Variants in SCAF8 observed in about 807,000 individuals in gnomAD.
The protein encoded by SCAF8 is SR-related and CTD-associated factor 8.
In SCAF8, 23 loss-of-function variants were observed where a neutral mutation model predicts 140.5. That is an observed-to-expected ratio of 0.16 (90% CI 0.12 to 0.23). The LOEUF (loss-of-function observed/expected upper bound fraction) is 0.23. SCAF8 is among the 10% of genes least tolerant of loss of function. The pLI, the probability that SCAF8 is intolerant of heterozygous loss-of-function variation, is 1.00. For missense variants in SCAF8, 1,397 were observed against 1,555.7 expected (o/e 0.90, Z 1.72); for synonymous variants, 575 against 528.9 (o/e 1.09, Z -1.20).
chr6:154,824,161 T>C, intron 16 of SCAF8, 73 bp from the exon 17 acceptor site: 1 of 1,440,654 alleles, frequency 6.9e-7, no homozygotes, highest in Non-Finnish European at 9.6e-7. Flanking sequence ...AGAAATAGAA[T>C]AATTTGCCTT....
chr6:154,813,179 C>T (rs985917873), intron 12 of SCAF8, among the ~76,000 whole-genome samples: 14 of 152,102 alleles, frequency 9.2e-5, no homozygotes, highest in African/African-American at 3.4e-4. Context: ...TGCACTCCAA[C>T]CTGAGGAACA....
chr6:154,733,646 C>T lies in SCAF8; in HGVS notation c.-255C>T, dbSNP rs1778321887. 1.8e-5 allele frequency: 23 copies of T among 1,289,090 alleles called. No homozygotes were observed. The highest frequency in any genetic ancestry group is 2.2e-5 in the Non-Finnish European group (22 of 1,021,928). The allele number at this position is 1,289,090 out of a possible 1,614,324, so 79.9% of individuals were successfully genotyped here. A position where few individuals can be genotyped will look rare whatever the true frequency, so the allele number is the denominator to read the frequency against. The stretch of plus-strand genomic sequence containing the variant: ...GCCCCTCCCCCGCCCGCCGCCGACC[C>T]GCCCCGGCAGCGCCTCTGTTCCCTA... On this transcript the variant is annotated 5_prime_UTR_variant, in exon 1 of 20. Transcript: ENST00000367178.
chr6:154,807,172 C>T (rs527599246), intron 9 of SCAF8, among the ~76,000 whole-genome samples: 72 of 152,190 alleles, frequency 4.7e-4, no homozygotes, highest in African/African-American at 1.7e-3. Context: ...TAATTAGCAC[C>T]ATGTTATTGA....
At chr6:154,810,528 TA>T (rs1268870483) in intron 12 of SCAF8, among the ~76,000 whole-genome samples, 6 of 152,346 alleles carry the variant, frequency 3.9e-5, no homozygotes, top group African/African-American at 1.4e-4. Flanking sequence ...ATAGTATTCT[TA>T]GCAATTATGG....
chr6:154,762,333 C>A (rs936654484), intron 1 of SCAF8, among the ~76,000 whole-genome samples: 1 of 152,202 alleles, frequency 6.6e-6, no homozygotes, highest in Non-Finnish European at 1.5e-5. Flanking sequence ...CAAATTCATT[C>A]AGGCTGTTGG....
At chr6:154,746,216 A>T (rs1258252446) in intron 1 of SCAF8, among the ~76,000 whole-genome samples, 1 of 152,082 alleles carries the variant, frequency 6.6e-6, no homozygotes. Flanking sequence ...TAATTCACTG[A>T]GTTATCTTTA....
chr6:154,818,958 C>CTA (rs1778333961), intron 14 of SCAF8, among the ~76,000 whole-genome samples: 2 of 152,152 alleles, frequency 1.3e-5, no homozygotes, highest in Admixed American at 1.3e-4. Context: ...TACTCCTTAA[C>CTA]TATACCTTCT....
At position 154,794,028 on chromosome 6, in the gene SCAF8, C is replaced by G. The variant is rs541650128; in HGVS notation, c.476-981C>G. Reference sequence around the variant, plus strand: ...CCTCGACCTCCTGGCTTCTAGTGATCCTCCCATCTCAGCCTCCTAAGTAGG... The same window carrying G: ...CCTCGACCTCCTGGCTTCTAGTGATGCTCCCATCTCAGCCTCCTAAGTAGG... On this transcript the variant is annotated intron_variant, in intron 5 of 19. Coordinates refer to ENST00000367178, the MANE Select transcript of SCAF8 (RefSeq NM_014892.5). 1.1e-4 allele frequency among the ~76,000 whole-genome samples: 16 copies of G among 151,932 alleles called. 1 individual carries two copies. In the East Asian group the frequency reaches 3.1e-3, roughly 30 times the overall value.
At chr6:154,826,594 T>G (rs977263034) in intron 17 of SCAF8, among the ~76,000 whole-genome samples, 11 of 152,150 alleles carry the variant, frequency 7.2e-5, no homozygotes, top group African/African-American at 2.7e-4. Flanking sequence ...TTTAAAATGA[T>G]TAAGAAGCCG....
chr6:154,819,250 T>A (rs1437862489), intron 14 of SCAF8, among the ~76,000 whole-genome samples: 1 of 152,228 alleles, frequency 6.6e-6, no homozygotes, highest in East Asian at 1.9e-4. Flanking sequence ...GTTTCTTGTG[T>A]AAACTAAAGT....
At chr6:154,774,736 A>G (rs1472743602) in intron 2 of SCAF8, among the ~76,000 whole-genome samples, 2 of 152,220 alleles carry the variant, frequency 1.3e-5, no homozygotes, top group Non-Finnish European at 2.9e-5. Flanking sequence ...TTGCTCTCAT[A>G]AAGTAGGTTT....
At chr6:154,802,632 TTTTTTGAAACA>T (rs965071861) in intron 7 of SCAF8, among the ~76,000 whole-genome samples, 19 of 151,990 alleles carry the variant, frequency 1.3e-4, no homozygotes, top group Non-Finnish European at 2.2e-4. Flanking sequence ...AAAAAAAATT[TTTTTTGAAACA>T]TTTTTGAAAC....
chr6:154,803,701 G>A (rs1417203948), intron 8 of SCAF8, 78 bp downstream of exon 8: 34 of 839,198 alleles, frequency 4.1e-5, no homozygotes, highest in Non-Finnish European at 5.7e-5. Flanking sequence ...AGTATACTTA[G>A]TAAGTTGGGA....
chr6:154,736,377 TCTC>T (rs907695105), intron 1 of SCAF8, among the ~76,000 whole-genome samples: 46 of 150,936 alleles, frequency 3.0e-4, no homozygotes. Flanking sequence ...TTCAAGCAAT[TCTC>T]CTGCTTCAGC....
chr6:154,769,831 G>A (rs1776685591), intron 1 of SCAF8, among the ~76,000 whole-genome samples: 1 of 151,972 alleles, frequency 6.6e-6, no homozygotes, highest in South Asian at 2.1e-4. Context: ...CAGACACTGA[G>A]GATACAATGC....
intron 1 of SCAF8, among the ~76,000 whole-genome samples, chr6:154,756,174 G>A (rs1165652142): frequency 6.6e-6 from 1 of 152,200 alleles, no homozygotes; most frequent in Admixed American, 6.5e-5. Context: ...TTTGTGTACA[G>A]TATTATTTCT....
intron 13 of SCAF8, among the ~76,000 whole-genome samples, chr6:154,817,327 T>C (rs924979999): frequency 6.6e-6 from 1 of 152,218 alleles, no homozygotes; most frequent in African/African-American, 2.4e-5. Context: ...GATGATCGTA[T>C]TTGTAATCTT....
At chr6:154,734,750 A>G (rs145533180) in intron 1 of SCAF8, among the ~76,000 whole-genome samples, 99 of 152,342 alleles carry the variant, frequency 6.5e-4, no homozygotes, top group African/African-American at 1.9e-3. Context: ...TCCGACTTCA[A>G]TAGGCCTTAA....
At chr6:154,822,254 C>G in intron 15 of SCAF8, 22 bp from the exon 16 acceptor site, 1 of 1,585,618 alleles carries the variant, frequency 6.3e-7, no homozygotes, top group East Asian at 2.2e-5. Context: ...CAAAGGAAAT[C>G]AATTTCAACT....
Sources: allele counts gnomAD v4.1 joint callset (sites outside exome capture counted in the v4.1 genomes callset), GRCh38; gene constraint gnomAD v4.1.1; transcripts MANE v1.5; gene names NCBI Gene and HGNC (gene_info 2026-07-23, HGNC 2026-07-21).